VWA2: variants seen among roughly 807,000 people sequenced by gnomAD.
VWA2 encodes the protein von Willebrand factor A domain containing 2, also known as von Willebrand factor A domain-containing protein 2.
VWA2 carries 73 observed loss-of-function variants against 70.4 expected under a neutral mutation model. That is an observed-to-expected ratio of 1.04 (90% CI 0.86 to 1.26). The LOEUF (loss-of-function observed/expected upper bound fraction) is 1.26, where lower values mean the gene tolerates loss of function less well. VWA2 is among the 50% of genes most tolerant of loss of function. The pLI, the probability that VWA2 is intolerant of heterozygous loss-of-function variation, is 0.00. For synonymous variants in VWA2, 407 were observed against 423.3 expected (o/e 0.96, Z 0.47); for missense variants, 1,011 against 998.5 (o/e 1.01, Z -0.17).
intron 2 of VWA2, among the ~76,000 whole-genome samples, chr10:114,252,714 T>G (rs1171610105): frequency 1.3e-5 from 2 of 152,092 alleles, no homozygotes; most frequent in African/African-American, 2.4e-5. Flanking sequence ...TTCTCCTGCC[T>G]CAGCCTCCCA....
rs961648615 is a variant in VWA2 at position 114,292,667 on chromosome 10, A to G, written c.*1430A>G. Reference sequence around the variant, plus strand: ...TTGTTTAGAGTTGGATTTTCTGTAGAAATCTTTCTAGAGCTCTGATGTGAC... The same window carrying G: ...TTGTTTAGAGTTGGATTTTCTGTAGGAATCTTTCTAGAGCTCTGATGTGAC... On this transcript the variant is annotated 3_prime_UTR_variant, in exon 14 of 14. Coordinates refer to ENST00000392982, the MANE Select transcript of VWA2 (RefSeq NM_001272046.2). Among the ~76,000 whole-genome samples the G allele has an allele frequency of 2.6e-5, 4 of 150,958 alleles. No homozygotes were observed. The highest frequency in any genetic ancestry group is 5.9e-5 in the Non-Finnish European group (4 of 67,884).
rs929907768 is a variant in VWA2, at chr10:114,290,364, C to T, written c.2247C>T (p.Asn749=). 5.2e-6 allele frequency: 8 copies of T among 1,550,362 alleles called. No individual in the cohort carries two copies. In the African/African-American group the frequency reaches 8.2e-5, roughly 16 times the overall value. ...RDGWEGPHCE[N]RFLRRP ...GCTGGGAGGGCCCCCACTGCGAGAACCGTGAGTGGAGCTCTTGCTCTGTAT... is the reference window on the plus strand; with the variant it reads ...GCTGGGAGGGCCCCCACTGCGAGAATCGTGAGTGGAGCTCTTGCTCTGTAT... Residue 749 remains asparagine, a splice_region_variant and synonymous_variant, in exon 13 of 14, where the codon AAC becomes AAT. Transcript: ENST00000392982.
At chr10:114,247,507 C>G (rs2037097301) in intron 1 of VWA2, among the ~76,000 whole-genome samples, 1 of 152,090 alleles carries the variant, frequency 6.6e-6, no homozygotes, top group Non-Finnish European at 1.5e-5. Context: ...CCGTGTTGGC[C>G]AGGCTGGTCG....
intron 1 of VWA2, among the ~76,000 whole-genome samples, chr10:114,247,464 AT>A (rs2037096109): frequency 1.3e-5 from 2 of 152,008 alleles, no homozygotes; most frequent in African/African-American, 2.4e-5. Flanking sequence ...TGTCTGGCTA[AT>A]TTTTTGTATT....
chr10:114,278,338 C>A (rs568392912), intron 7 of VWA2, among the ~76,000 whole-genome samples: 120 of 152,116 alleles, frequency 7.9e-4, no homozygotes, highest in Non-Finnish European at 1.6e-3. Context: ...AGTCTCCTCC[C>A]CCTGCCTTGG....
intron 8 of VWA2, chr10:114,281,148 G>C (rs76047665): frequency 0.061 from 9,352 of 152,334 alleles, 365 homozygotes; most frequent in East Asian, 0.099. Context: ...CTGCCCCTGT[G>C]TGGGCAGCCC....
chr10:114,278,163 C>T, intron 7 of VWA2, 116 bp downstream of exon 7: 1 of 1,388,542 alleles, frequency 7.2e-7, no homozygotes, highest in East Asian at 2.4e-5. Context: ...GCAAGAGAAA[C>T]AGAGACCGGC....
chr10:114,242,127 C>T (rs2036983701), intron 1 of VWA2, among the ~76,000 whole-genome samples: 1 of 152,114 alleles, frequency 6.6e-6, no homozygotes, highest in South Asian at 2.1e-4. Context: ...GTGATTACTA[C>T]CCTCGGTCCT....
chr10:114,239,410 C>T lies in VWA2; in HGVS notation c.-170C>T, dbSNP rs953576491. On this transcript the variant is annotated 5_prime_UTR_variant, in exon 1 of 14. Transcript: ENST00000392982. ...TCCTCCGACCTCAGCCGGGTCGGGT[C>T]GTGCCGCCCTCTCCCAGGAGAGACA... 1 of 152,268 alleles carries T rather than the reference C, an allele frequency of 6.6e-6. No individual in the cohort carries two copies. Among genetic ancestry groups the T allele is most frequent in the Non-Finnish European group, 1.5e-5 (1 of 68,082 alleles). The allele number at this position is 152,268 out of a possible 1,614,324, so 9.4% of individuals were successfully genotyped here.
intron 5 of VWA2, among the ~76,000 whole-genome samples, chr10:114,262,562 C>T (rs1463892757): frequency 6.6e-6 from 1 of 152,218 alleles, no homozygotes; most frequent in East Asian, 1.9e-4. Flanking sequence ...TGGCTGTCTC[C>T]TCCCATTGCA....
intron 3 of VWA2, among the ~76,000 whole-genome samples, chr10:114,254,594 T>C (rs2037279889): frequency 6.6e-6 from 1 of 152,148 alleles, no homozygotes; most frequent in Non-Finnish European, 1.5e-5. Flanking sequence ...TAGACTGTGG[T>C]CCCCCGAGGC....
Position 114,291,363 on chromosome 10 carries a change from T to TTCC in VWA2, c.*127_*129dup, listed in dbSNP as rs2133744910. ...TGCCCCAGGTCCTTAGAATGTCTGCTTCCCGCCGTGGCCAGGACCACTATT... is the reference window on the plus strand; with the variant it reads ...TGCCCCAGGTCCTTAGAATGTCTGCTTCCTCCCGCCGTGGCCAGGACCACTATT... On this transcript the variant is annotated 3_prime_UTR_variant, in exon 14 of 14. Transcript: ENST00000392982. 1 of 1,183,534 alleles carries TTCC rather than the reference T, an allele frequency of 8.4e-7. No individual in the cohort carries two copies. The highest frequency in any genetic ancestry group is 2.7e-5 in the East Asian group (1 of 37,326). The allele number at this position is 1,183,534 out of a possible 1,614,324, so 73.3% of individuals were successfully genotyped here.
At chr10:114,240,855 A>G (rs1490658535) in intron 1 of VWA2, among the ~76,000 whole-genome samples, 1 of 152,236 alleles carries the variant, frequency 6.6e-6, no homozygotes, top group Non-Finnish European at 1.5e-5. Flanking sequence ...TTCTCAGACT[A>G]GGTCCCCAGG....
chr10:114,278,189 T>G, intron 7 of VWA2, 142 bp downstream of exon 7: 4 of 1,218,124 alleles, frequency 3.3e-6, no homozygotes, highest in Middle Eastern at 2.9e-4. Flanking sequence ...CCACCCTGGA[T>G]GCTCTGCGTC....
chr10:114,260,522 T>C (rs1468961713), intron 4 of VWA2, among the ~76,000 whole-genome samples: 1 of 152,134 alleles, frequency 6.6e-6, no homozygotes, highest in East Asian at 1.9e-4. Flanking sequence ...GTGGGGTGGC[T>C]GTGGTTAGTG....
chr10:114,262,860 C>G (rs1261698996), intron 5 of VWA2, among the ~76,000 whole-genome samples: 1 of 152,206 alleles, frequency 6.6e-6, no homozygotes, highest in African/African-American at 2.4e-5. Context: ...TCGGCCTTTT[C>G]TTCTTCCCCT....
rs971509775 is a variant in VWA2 at position 114,291,718 on chromosome 10, A to T, written c.*481A>T. Among the ~76,000 whole-genome samples, 2 of 152,234 alleles carry T rather than the reference A, an allele frequency of 1.3e-5. No homozygotes were observed. The highest frequency in any genetic ancestry group is 2.9e-5 in the Non-Finnish European group (2 of 68,026). ...GAAGGCCACGGCCTTTCAAGATGGA[A>T]AGCAGCAGCTTTTCCACTTCCCCAG... On this transcript the variant is annotated 3_prime_UTR_variant, in exon 14 of 14. Transcript: ENST00000392982.
chr10:114,280,642 T>A (rs1589773330), intron 8 of VWA2: 1 of 152,312 alleles, frequency 6.6e-6, no homozygotes, highest in East Asian at 1.9e-4. Flanking sequence ...CCCAGGGATC[T>A]TTCTGGGCTA....
intron 5 of VWA2, among the ~76,000 whole-genome samples, chr10:114,270,001 G>A (rs1056410098): frequency 6.6e-6 from 1 of 152,214 alleles, no homozygotes; most frequent in Non-Finnish European, 1.5e-5. Flanking sequence ...AGTAAAAGTT[G>A]TATAGTACAT....
Sources: allele counts gnomAD v4.1 joint callset (sites outside exome capture counted in the v4.1 genomes callset), GRCh38; gene constraint gnomAD v4.1.1; transcripts MANE v1.5; gene names NCBI Gene and HGNC (gene_info 2026-07-23, HGNC 2026-07-21).